The following INPP5A variants were observed in gnomAD, a reference collection of about 807,000 sequenced individuals.
INPP5A encodes the protein 43 kDa inositol polyphosphate 5-phophatase.
INPP5A carries 14 observed loss-of-function variants against 65.2 expected under a neutral mutation model. The ratio of observed to expected loss-of-function variants is 0.21; its 90% CI spans 0.14 to 0.34. The LOEUF (loss-of-function observed/expected upper bound fraction) is 0.34. Among genes scored for constraint, INPP5A ranks in the 10% least tolerant of loss-of-function variants. The pLI is 1.00. For synonymous variants in INPP5A, 207 were observed against 208.3 expected (o/e 0.99, Z 0.05); for missense variants, 431 against 545.6 (o/e 0.79, Z 2.09).
chr10:132,614,322 C>A (rs185039602), intron 2 of INPP5A, among the ~76,000 whole-genome samples: 221 of 152,238 alleles, frequency 1.5e-3, no homozygotes, highest in African/African-American at 4.9e-3. Flanking sequence ...AAAAAATTAG[C>A]CAGGCATGGT....
chr10:132,573,440 A>G (rs62635595), intron 1 of INPP5A, among the ~76,000 whole-genome samples: 1,441 of 23,278 alleles, frequency 0.062, no homozygotes, highest in Admixed American at 0.12. Context: ...GTTGGGGTGT[A>G]CGTGCCGTGT....
intron 1 of INPP5A, among the ~76,000 whole-genome samples, chr10:132,595,956 A>G (rs2071681639): frequency 6.6e-6 from 1 of 151,992 alleles, no homozygotes; most frequent in South Asian, 2.1e-4. Flanking sequence ...AGACCAAGAG[A>G]AGAATTTTTG....
At chr10:132,685,635 C>T (rs1252531781) in intron 4 of INPP5A, among the ~76,000 whole-genome samples, 1 of 152,244 alleles carries the variant, frequency 6.6e-6, no homozygotes, top group Non-Finnish European at 1.5e-5. Context: ...CCAATGGCAG[C>T]TTTGTGTTCC....
chr10:132,546,363 C>G lies in INPP5A; in HGVS notation c.75+8192C>G, dbSNP rs73395331. On this transcript the variant is annotated intron_variant, in intron 1 of 15. Transcript: ENST00000368594. This position sits in a 1 kb window ranked among gnomAD's most constrained non-coding sequence, Gnocchi z 5.7. ...GGTTTTTCCCCGTTGTGAGTGAGAA[C>G]AGCCCCACCTCCAGGAGCATGGCCT... is the stretch of plus-strand genomic sequence containing the variant. 6.6e-6 allele frequency among the ~76,000 whole-genome samples: 1 copy of G among 152,120 alleles called. No individual in the cohort carries two copies. The highest frequency in any genetic ancestry group is 1.5e-5 in the Non-Finnish European group (1 of 68,018).
intron 8 of INPP5A, among the ~76,000 whole-genome samples, chr10:132,718,654 A>AC (rs1463930024): frequency 4.0e-4 from 48 of 120,878 alleles, no homozygotes; most frequent in Admixed American, 1.6e-3. Flanking sequence ...GGCGCCTTAG[A>AC]TGCTGTCTTC....
At chr10:132,680,905 A>T (rs1307361719) in intron 4 of INPP5A, among the ~76,000 whole-genome samples, 2 of 152,202 alleles carry the variant, frequency 1.3e-5, no homozygotes, top group Non-Finnish European at 2.9e-5. Context: ...AGGGCTCGGG[A>T]CCTGCAGCCC....
intron 1 of INPP5A, among the ~76,000 whole-genome samples, chr10:132,553,679 TC>T (rs1250270883): frequency 1.4e-5 from 2 of 140,502 alleles, no homozygotes; most frequent in Non-Finnish European, 1.5e-5. Context: ...GTGAATGCCT[TC>T]TCAGAGCCTT....
chr10:132,675,455 C>T lies in INPP5A; in HGVS notation c.307-14937C>T, dbSNP rs1248909227. 6.6e-6 allele frequency among the ~76,000 whole-genome samples: 1 copy of T among 152,162 alleles called. No homozygotes were observed. Among genetic ancestry groups the T allele is most frequent in the Non-Finnish European group, 1.5e-5 (1 of 68,030 alleles). ...TGAGACTCAAGGCAGTTGGGGGAAGCGGGCAAATGGCCATGGGCATTGGTT... is the reference window on the plus strand; with the variant it reads ...TGAGACTCAAGGCAGTTGGGGGAAGTGGGCAAATGGCCATGGGCATTGGTT... On this transcript the variant is annotated intron_variant, in intron 4 of 15. Coordinates refer to ENST00000368594, the MANE Select transcript of INPP5A (RefSeq NM_005539.5). The surrounding 1 kb of genome is among the most constrained non-coding windows in gnomAD (Gnocchi z 4.2).
chr10:132,710,802 G>A (rs7068261), intron 8 of INPP5A, among the ~76,000 whole-genome samples: 1 of 141,162 alleles, frequency 7.1e-6, no homozygotes, highest in African/African-American at 3.1e-5. Flanking sequence ...TATAGGTATG[G>A]GTGGAGAGGT....
At chr10:132,581,291 C>A (rs1234592349) in intron 1 of INPP5A, among the ~76,000 whole-genome samples, 1 of 152,158 alleles carries the variant, frequency 6.6e-6, no homozygotes, top group Non-Finnish European at 1.5e-5. Context: ...GTTTCCTGTC[C>A]GGCCTCAGGA....
rs900964112 is a variant in INPP5A at position 132,739,051 on chromosome 10, G to A, written c.733-10466G>A. On this transcript the variant is annotated intron_variant, in intron 9 of 15. Coordinates refer to ENST00000368594, the MANE Select transcript of INPP5A (RefSeq NM_005539.5). ...GGAAGTCAAAGTAAGGGAGGCCGGC[G>A]AAGTGTCTGAGGGCCCGCCCCGCAG... is the stretch of plus-strand genomic sequence containing the variant. 3.4e-4 allele frequency among the ~76,000 whole-genome samples: 52 copies of A among 152,280 alleles called. 1 individual carries two copies. Among genetic ancestry groups the A allele is most frequent in the African/African-American group, 9.6e-4 (40 of 41,560 alleles).
At chr10:132,561,722 C>CACA (rs2071207861) in intron 1 of INPP5A, among the ~76,000 whole-genome samples, 2 of 142,314 alleles carry the variant, frequency 1.4e-5, no homozygotes, top group Non-Finnish European at 3.1e-5. Flanking sequence ...TTGTCAATTT[C>CACA]CACACACACA....
At chr10:132,703,759 AC>A (rs1422888012) in intron 6 of INPP5A, among the ~76,000 whole-genome samples, 10 of 19,332 alleles carry the variant, frequency 5.2e-4, no homozygotes, top group Non-Finnish European at 6.0e-4. Flanking sequence ...GTACGGCTTC[AC>A]CCCCCCCACA....
chr10:132,558,299 G>A (rs911224084), intron 1 of INPP5A, among the ~76,000 whole-genome samples: 2 of 152,036 alleles, frequency 1.3e-5, no homozygotes, highest in African/African-American at 4.8e-5. Flanking sequence ...CACGCTCTGG[G>A]GCTCTCCCCC....
intron 1 of INPP5A, among the ~76,000 whole-genome samples, chr10:132,601,480 A>T (rs1466084230): frequency 4.6e-5 from 7 of 152,188 alleles, no homozygotes. Context: ...GTGGCTTTTG[A>T]TGCACAAAAG....
chr10:132,541,621 A>G (rs1028767307), intron 1 of INPP5A, among the ~76,000 whole-genome samples: 1 of 152,240 alleles, frequency 6.6e-6, no homozygotes, highest in Non-Finnish European at 1.5e-5. Context: ...ATGAGAATAC[A>G]TAGCTCACTG....
rs1040941989 is a variant in INPP5A at position 132,715,370 on chromosome 10, G to A, written c.647+4914G>A. On this transcript the variant is annotated intron_variant, in intron 8 of 15. Coordinates refer to ENST00000368594, the MANE Select transcript of INPP5A (RefSeq NM_005539.5). The stretch of plus-strand genomic sequence containing the variant: ...CACAAATACAGTCCATTGTCATGGC[G>A]CTGAAGTTAATTTGATCAACATTGG... Among the ~76,000 whole-genome samples the A allele has an allele frequency of 1.4e-4, 21 of 152,186 alleles. No individual in the cohort carries two copies. In the South Asian group the frequency reaches 2.1e-3, roughly 15 times the overall value.
At chr10:132,778,166 G>A (rs1847096337) in intron 13 of INPP5A, among the ~76,000 whole-genome samples, 1 of 152,108 alleles carries the variant, frequency 6.6e-6, no homozygotes, top group African/African-American at 2.4e-5. Context: ...AATGTCTGAG[G>A]TTGTTTTCCT....
At chr10:132,597,738 C>T (rs976596667) in intron 1 of INPP5A, among the ~76,000 whole-genome samples, 4 of 151,524 alleles carry the variant, frequency 2.6e-5, no homozygotes, top group South Asian at 2.1e-4. Context: ...GCCTGTGGTG[C>T]GTCCTGCGGG....
Sources: gnomAD v4.1 joint callset for allele counts (sites outside exome capture counted in the v4.1 genomes callset) on GRCh38, gnomAD v4.1.1 for gene constraint, Gnocchi (gnomAD v3.1) non-coding constraint, MANE v1.5 for transcripts, NCBI Gene and HGNC (gene_info 2026-07-23, HGNC 2026-07-21) for gene names.